The following RNF150 variants were observed in gnomAD, a reference collection of about 807,000 sequenced individuals.
RNF150 encodes ring finger protein 150.
A neutral mutation model predicts 39.3 loss-of-function variants in RNF150; 24 were observed. That is an observed-to-expected ratio of 0.61 (90% confidence interval 0.44 to 0.86). RNF150 has a LOEUF of 0.86. RNF150 is among the 40% of genes least tolerant of loss of function. RNF150 has a pLI of 0.00. For synonymous variants in RNF150, 255 were observed against 227.3 expected (o/e 1.12, Z -1.10); for missense variants, 502 against 587.8 (o/e 0.85, Z 1.51).
At position 140,860,689 on chromosome 4, in the gene RNF150, G is replaced by A. The variant is rs1449962659; in HGVS notation, c.*7572C>T. ...ATTTCCTCTTGCTAGTAGGGAGGAA[G>A]ATTGATTTATGATGTCATGTCTGAT... On this transcript the variant is annotated 3_prime_UTR_variant, in exon 7 of 7. Transcript: ENST00000515673. 1 of 152,214 alleles carries A rather than the reference G, an allele frequency of 6.6e-6. No homozygotes were observed. Among genetic ancestry groups the A allele is most frequent in the Non-Finnish European group, 1.5e-5 (1 of 68,032 alleles). The allele number at this position is 152,214 out of a possible 1,614,324, so 9.4% of individuals were successfully genotyped here.
chr4:141,071,484 T>C (rs1277565818), intron 1 of RNF150, among the ~76,000 whole-genome samples: 1 of 150,292 alleles, frequency 6.7e-6, no homozygotes, highest in Non-Finnish European at 1.5e-5. Context: ...AAAAAGGAAA[T>C]AGGAAGAAAA....
chr4:141,000,006 AAG>A (rs1734563167), intron 1 of RNF150, among the ~76,000 whole-genome samples: 1 of 31,366 alleles, frequency 3.2e-5, no homozygotes, highest in South Asian at 9.7e-4. Flanking sequence ...GAAGAAGAAG[AAG>A]AAGAAGAAGA....
intron 1 of RNF150, among the ~76,000 whole-genome samples, chr4:141,092,613 T>C (rs1400985671): frequency 2.0e-5 from 3 of 152,096 alleles, no homozygotes; most frequent in Non-Finnish European, 4.4e-5. Context: ...GAACAAAGAT[T>C]ATATTTCCAC....
At position 141,200,723 on chromosome 4, in the gene RNF150, A is replaced by G. The variant is rs575579068; in HGVS notation, c.-6+12071T>C. 4.6e-5 allele frequency among the ~76,000 whole-genome samples: 7 copies of G among 152,324 alleles called. No individual in the cohort carries two copies. In the South Asian group the frequency reaches 1.4e-3, roughly 32 times the overall value. On this transcript the variant is annotated intron_variant, in intron 1 of 7. Coordinates refer to the RNF150 transcript ENST00000420921. ...GGCTCTTCTGCAAAAAAATGTATGA[A>G]AATAAAGATTAAGGGTAACTCACAT...
chr4:140,913,072 A>G (rs1730676996), intron 5 of RNF150, among the ~76,000 whole-genome samples: 1 of 152,028 alleles, frequency 6.6e-6, no homozygotes, highest in East Asian at 1.9e-4. Flanking sequence ...AGGTGACCTA[A>G]CCAACATGGT....
At chr4:141,093,066 G>A (rs530709129) in intron 1 of RNF150, among the ~76,000 whole-genome samples, 8 of 152,052 alleles carry the variant, frequency 5.3e-5, no homozygotes, top group Non-Finnish European at 7.4e-5. Context: ...AGGATAGGAG[G>A]ATAAAAAAGG....
intron 6 of RNF150, among the ~76,000 whole-genome samples, chr4:140,875,234 T>A (rs1729110370): frequency 1.3e-5 from 2 of 150,302 alleles, no homozygotes; most frequent in African/African-American, 4.9e-5. Context: ...AGTGGGGTGA[T>A]CATAGTTCAC....
At chr4:141,111,972 T>A (rs910604208) in intron 1 of RNF150, among the ~76,000 whole-genome samples, 1 of 152,190 alleles carries the variant, frequency 6.6e-6, no homozygotes, top group Non-Finnish European at 1.5e-5. Context: ...AAAGAACTGA[T>A]TTATTTATAA....
chr4:141,088,989 T>A (rs1044500826), intron 1 of RNF150, among the ~76,000 whole-genome samples: 11 of 152,160 alleles, frequency 7.2e-5, no homozygotes, highest in African/African-American at 2.4e-4. Context: ...ACAAAGTCTC[T>A]AGGAAACACT....
At chr4:141,104,076 G>C (rs1739113151) in intron 1 of RNF150, among the ~76,000 whole-genome samples, 2 of 152,136 alleles carry the variant, frequency 1.3e-5, no homozygotes. Context: ...AGAAGCAAGA[G>C]GTGATAAGGC....
intron 1 of RNF150, among the ~76,000 whole-genome samples, chr4:141,063,706 AG>A (rs1298603471): frequency 3.3e-5 from 5 of 152,230 alleles, no homozygotes; most frequent in African/African-American, 1.2e-4. Context: ...CTAATTATTT[AG>A]AACATACTAC....
chr4:141,003,732 C>G (rs905531789), intron 1 of RNF150, among the ~76,000 whole-genome samples: 10 of 152,188 alleles, frequency 6.6e-5, no homozygotes, highest in South Asian at 2.1e-4. Flanking sequence ...TTTTCTCTAC[C>G]AGAGAGGAGA....
At chr4:141,164,931 C>A (rs953169465) in intron 1 of RNF150, among the ~76,000 whole-genome samples, 1 of 152,144 alleles carries the variant, frequency 6.6e-6, no homozygotes. Context: ...ATGACAGAAT[C>A]AAATTCACAC....
chr4:141,091,100 A>T (rs900955343), intron 1 of RNF150, among the ~76,000 whole-genome samples: 3 of 152,206 alleles, frequency 2.0e-5, no homozygotes, highest in African/African-American at 7.2e-5. Context: ...ATTGAGGTCT[A>T]GTTTCTGGAG....
At chr4:140,972,783 A>T (rs1191118802) in intron 1 of RNF150, among the ~76,000 whole-genome samples, 1 of 152,164 alleles carries the variant, frequency 6.6e-6, no homozygotes, top group East Asian at 1.9e-4. Flanking sequence ...TCTGTTGAGG[A>T]CTGAACTCAT....
chr4:141,125,265 G>T (rs117115015), intron 1 of RNF150, among the ~76,000 whole-genome samples: 10,886 of 152,180 alleles, frequency 0.072, 396 homozygotes, highest in East Asian at 0.12. Context: ...TATACCTGTA[G>T]ACAAGGTTTC....
upstream of RNF150, among the ~76,000 whole-genome samples, chr4:141,134,563 G>A (rs555003798): frequency 9.4e-4 from 143 of 152,276 alleles, no homozygotes; most frequent in Middle Eastern, 0.031. Context: ...TTTTCCGGCA[G>A]CAGTACAAAC....
chr4:141,131,910 C>T (rs1197065473), intron 1 of RNF150, among the ~76,000 whole-genome samples: 2 of 152,104 alleles, frequency 1.3e-5, no homozygotes, highest in East Asian at 1.9e-4. Flanking sequence ...TGATATAGCG[C>T]CTGCATCAGG....
At chr4:141,003,503 T>G (rs1321238851) in intron 1 of RNF150, among the ~76,000 whole-genome samples, 1 of 151,914 alleles carries the variant, frequency 6.6e-6, no homozygotes, top group Non-Finnish European at 1.5e-5. Flanking sequence ...TCCCACTGCC[T>G]TTCTCTACTT....
Sources: allele counts gnomAD v4.1 joint callset (sites outside exome capture counted in the v4.1 genomes callset), GRCh38; gene constraint gnomAD v4.1.1; transcripts MANE v1.5; gene names NCBI Gene and HGNC (gene_info 2026-07-23, HGNC 2026-07-21).